Variants in SDK1 observed in about 807,000 individuals in gnomAD.
SDK1 encodes sidekick cell adhesion molecule 1, also known as protein sidekick-1.
A neutral mutation model predicts 245.5 loss-of-function variants in SDK1; 157 were observed. The observed-to-expected ratio is 0.64, with a 90% CI of 0.56 to 0.73. The LOEUF (loss-of-function observed/expected upper bound fraction) is 0.73, where lower values mean the gene tolerates loss of function less well. Ranked by LOEUF, SDK1 falls within the 30% of genes least tolerant of loss-of-function variation. SDK1 has a pLI of 0.00. For missense variants in SDK1, 3,583 were observed against 3,002.3 expected, an observed-to-expected ratio of 1.19 and a Z score of -4.52; for synonymous variants, 1,647 against 1,278.5, an observed-to-expected ratio of 1.29 and a Z score of -6.15.
chr7:3,595,656 G>A (rs1203445775), intron 1 of SDK1, among the ~76,000 whole-genome samples: 1 of 151,596 alleles, frequency 6.6e-6, no homozygotes, highest in Non-Finnish European at 1.5e-5. Flanking sequence ...GTTTGACCTT[G>A]ACTCTGCCAC....
Position 3,971,524 on chromosome 7 carries a change from C to T in SDK1, c.1773C>T (p.Ala591=). The stretch of plus-strand genomic sequence containing the variant: ...ACGTGGTGATTAAGGGGACCACGGC[C>T]ACGCTGCACTGTGGTGCCACACATG... The part of the protein sequence containing the change: ...EDHVVIKGTT[A]TLHCGATHDP... Residue 591 remains alanine (A), a synonymous_variant, in exon 12 of 45, where the codon GCC becomes GCT. Transcript: ENST00000404826. The T allele has an allele frequency of 6.2e-7, 1 of 1,613,780 alleles. No individual in the cohort carries two copies. Among genetic ancestry groups the T allele is most frequent in the South Asian group, 1.1e-5 (1 of 90,930 alleles).
At chr7:4,024,169 A>G (rs934969288) in intron 17 of SDK1, among the ~76,000 whole-genome samples, 3 of 152,224 alleles carry the variant, frequency 2.0e-5, no homozygotes, top group African/African-American at 7.2e-5. Context: ...GAAATATTTC[A>G]TATTTTAAAA....
chr7:4,028,830 G>A (rs904056604), intron 17 of SDK1, among the ~76,000 whole-genome samples: 2 of 152,196 alleles, frequency 1.3e-5, no homozygotes, highest in Admixed American at 6.5e-5. Flanking sequence ...AAAAGGAGAG[G>A]AAGAGCCCAT....
At chr7:3,688,943 T>C (rs1412933323) in intron 4 of SDK1, among the ~76,000 whole-genome samples, 1 of 152,188 alleles carries the variant, frequency 6.6e-6, no homozygotes, top group African/African-American at 2.4e-5. Context: ...TCATGATTGC[T>C]CTAGGACAGG....
chr7:3,579,058 C>G (rs138290189), intron 1 of SDK1, among the ~76,000 whole-genome samples: 521 of 152,012 alleles, frequency 3.4e-3, no homozygotes, highest in African/African-American at 0.011. Context: ...CAGCTGGTCC[C>G]TCCATTTGGT....
intron 1 of SDK1, among the ~76,000 whole-genome samples, chr7:3,613,036 G>A (rs988078283): frequency 6.6e-6 from 1 of 152,156 alleles, no homozygotes; most frequent in African/African-American, 2.4e-5. Flanking sequence ...GATTATCCTA[G>A]TGGAAGCTCT....
intron 1 of SDK1, among the ~76,000 whole-genome samples, chr7:3,607,845 A>C (rs531065855): frequency 6.6e-6 from 1 of 152,352 alleles, no homozygotes; most frequent in African/African-American, 2.4e-5. Context: ...TGCTGGCGTA[A>C]GCATTCTGCA....
intron 17 of SDK1, among the ~76,000 whole-genome samples, chr7:4,036,791 C>T (rs1371862613): frequency 1.3e-5 from 2 of 152,158 alleles, no homozygotes; most frequent in African/African-American, 4.8e-5. Context: ...AAAACAGGCC[C>T]TCACCAGACA....
Position 3,987,321 on chromosome 7 carries a change from C to T in SDK1, c.2130C>T (p.Asn710=), listed in dbSNP as rs1287965440. ...ATTACATCGTGGAGCTCTCTGAAAA[C>T]AGTAAGTAGCAAAATGAAACTGTCA... ...ILYYIVELSE[N]NSPWKVHLSN... The change falls in exon 14 of 45, where the codon AAC becomes AAT. Residue 710 remains asparagine, a splice_region_variant and synonymous_variant. Coordinates refer to ENST00000404826, the MANE Select transcript of SDK1 (RefSeq NM_152744.4). The T allele has an allele frequency of 3.7e-6, 6 of 1,613,640 alleles. No homozygotes were observed. In the Middle Eastern group the frequency reaches 5.0e-4, roughly 134 times the overall value.
chr7:3,442,640 A>G (rs1309761170), intron 1 of SDK1, among the ~76,000 whole-genome samples: 2 of 152,142 alleles, frequency 1.3e-5, no homozygotes, highest in Non-Finnish European at 2.9e-5. Context: ...CTCTAAGCCT[A>G]TTTTCTTTGA....
intron 1 of SDK1, among the ~76,000 whole-genome samples, chr7:3,347,521 C>A (rs569400563): frequency 6.6e-6 from 1 of 152,086 alleles, no homozygotes; most frequent in Non-Finnish European, 1.5e-5. Flanking sequence ...TCAAATGTGC[C>A]GTTGAAGGTG....
At chr7:3,557,464 A>ACC (rs1424638863) in intron 1 of SDK1, among the ~76,000 whole-genome samples, 1 of 152,196 alleles carries the variant, frequency 6.6e-6, no homozygotes, top group Admixed American at 6.5e-5. Flanking sequence ...AAAGAGCAAG[A>ACC]CCAGGGGTCC....
intron 4 of SDK1, among the ~76,000 whole-genome samples, chr7:3,670,949 T>C (rs752586): frequency 0.36 from 55,434 of 152,112 alleles, 10,984 homozygotes; most frequent in African/African-American, 0.51. Flanking sequence ...TCGTCTATTA[T>C]TTGTTCTTAC....
At chr7:3,700,794 G>C (rs977429443) in intron 4 of SDK1, among the ~76,000 whole-genome samples, 3 of 152,114 alleles carry the variant, frequency 2.0e-5, no homozygotes, top group Admixed American at 1.3e-4. Context: ...TGCACTTTTT[G>C]TTCTTTCTTC....
chr7:4,013,571 T>C lies in SDK1; in HGVS notation c.2420+1336T>C, dbSNP rs560939964. Among the ~76,000 whole-genome samples, 7 of 152,360 alleles carry C rather than the reference T, an allele frequency of 4.6e-5. No homozygotes were observed. In the South Asian group the frequency reaches 1.2e-3, roughly 27 times the overall value. The stretch of plus-strand genomic sequence containing the variant: ...TGCATCTTCAGCTTCATTATCCTTG[T>C]GTATGAAGGGCAACGCCTTCCCTGT... On this transcript the variant is annotated intron_variant, in intron 16 of 44. Transcript: ENST00000404826.
chr7:3,755,625 C>T (rs185341216), intron 4 of SDK1, among the ~76,000 whole-genome samples: 69 of 152,238 alleles, frequency 4.5e-4, no homozygotes, highest in African/African-American at 1.5e-3. Context: ...TACAGAACGT[C>T]ATCTCAAAAA....
At chr7:3,356,231 C>G (rs1780790621) in intron 1 of SDK1, among the ~76,000 whole-genome samples, 1 of 151,878 alleles carries the variant, frequency 6.6e-6, no homozygotes, top group South Asian at 2.1e-4. Context: ...CATCCTGTAC[C>G]TTTTAGATTT....
intron 35 of SDK1, among the ~76,000 whole-genome samples, chr7:4,199,975 A>G (rs1242267175): frequency 6.6e-6 from 1 of 152,128 alleles, no homozygotes; most frequent in Non-Finnish European, 1.5e-5. Flanking sequence ...GGCACCTGTA[A>G]TCCCAGCTAC....
chr7:3,874,497 C>G (rs1781027516), intron 5 of SDK1, among the ~76,000 whole-genome samples: 1 of 152,044 alleles, frequency 6.6e-6, no homozygotes, highest in Admixed American at 6.5e-5. Flanking sequence ...AATCTGGGGC[C>G]TGAGGCTGTA....
Sources: allele counts gnomAD v4.1 joint callset (sites outside exome capture counted in the v4.1 genomes callset), GRCh38; gene constraint gnomAD v4.1.1; transcripts MANE v1.5; gene names NCBI Gene and HGNC (gene_info 2026-07-23, HGNC 2026-07-21).